Variants in PCDHA8 observed in about 807,000 individuals in gnomAD.
The protein encoded by PCDHA8 is protocadherin alpha 8, also known as protocadherin alpha-8.
In PCDHA8, 53 loss-of-function variants were observed where a neutral mutation model predicts 61.8. The observed-to-expected ratio is 0.86, with a 90% CI of 0.69 to 1.08. The LOEUF is 1.08. Among genes scored for constraint, PCDHA8 ranks in the 50% least tolerant of loss-of-function variants. The probability of loss-of-function intolerance (pLI) is 0.00; values close to 1 mark genes in which losing one functional copy is unlikely to be tolerated. For missense variants in PCDHA8, 1,293 were observed against 1,245.0 expected, an observed-to-expected ratio of 1.04 and a Z score of -0.58; for synonymous variants, 618 against 556.6, an observed-to-expected ratio of 1.11 and a Z score of -1.55.
intron 1 of PCDHA8, among the ~76,000 whole-genome samples, chr5:140,952,848 T>A (rs10476804): frequency 0.013 from 2,044 of 152,238 alleles, 38 homozygotes; most frequent in African/African-American, 0.047. Context: ...CTGCTTGTCT[T>A]CTGGGGAGGC....
In PCDHA8 at chr5:140,911,791, C is replaced by G. The variant is rs567528220; in HGVS notation, c.2395-67158C>G. 3.9e-5 allele frequency among the ~76,000 whole-genome samples: 6 copies of G among 152,230 alleles called. No homozygotes were observed. The East Asian group carries it at 9.6e-4, about 24-fold the overall frequency. ...AGTACAGTCCTTAGCATTTTTGGGT[C>G]TAATCATATTAAGCAGCCTTCTCCA... On this transcript the variant is annotated intron_variant, in intron 1 of 3. Transcript: ENST00000531613.
At position 140,841,784 on chromosome 5, in the gene PCDHA8, G is replaced by A. The variant is rs1777488668; in HGVS notation, c.463G>A (p.Glu155Lys). The A allele has an allele frequency of 6.2e-7, 1 of 1,613,812 alleles. No individual in the cohort carries two copies. The highest frequency in any genetic ancestry group is 1.3e-5 in the African/African-American group (1 of 74,870). Residue 155 changes from glutamate (E) to lysine (K), a missense_variant, in exon 1 of 4, where the codon GAG becomes AAG. Glu to Lys is a moderately conservative substitution (Grantham distance 56). Coordinates refer to ENST00000531613, the MANE Select transcript of PCDHA8 (RefSeq NM_018911.3). ...AATGCCAGACTCTCGGTTTCCGCTA[G>A]AGGGCGCGTCCGATGCAGATGTTGG... ...SRMPDSRFPL[E>K]GASDADVGAN...
intron 1 of PCDHA8, chr5:140,852,034 G>A (rs1233314142): frequency 2.1e-6 from 2 of 935,712 alleles, no homozygotes; most frequent in Non-Finnish European, 2.6e-6. Flanking sequence ...CGCTTATTGA[G>A]TTTTTGTTAT....
intron 1 of PCDHA8, chr5:140,856,807 T>G: frequency 6.3e-7 from 1 of 1,594,936 alleles, no homozygotes; most frequent in African/African-American, 1.3e-5. Context: ...TGTATGAAAA[T>G]CAAGTGAACC....
chr5:140,959,102 G>A (rs556528085), intron 1 of PCDHA8, among the ~76,000 whole-genome samples: 2 of 152,214 alleles, frequency 1.3e-5, no homozygotes, highest in South Asian at 4.2e-4. Flanking sequence ...ACATTCAGCA[G>A]GGGTCCGAAG....
chr5:140,884,589 C>T, intron 1 of PCDHA8: 1 of 1,614,146 alleles, frequency 6.2e-7, no homozygotes, highest in Non-Finnish European at 8.5e-7. Flanking sequence ...GCCTTCAGTC[C>T]CAGCCTTCCT....
intron 1 of PCDHA8, among the ~76,000 whole-genome samples, chr5:140,892,821 T>C (rs2063687425): frequency 6.6e-6 from 1 of 152,210 alleles, no homozygotes; most frequent in Non-Finnish European, 1.5e-5. Context: ...TATCCTACAG[T>C]GCTACAGTGC....
intron 1 of PCDHA8, chr5:140,883,585 C>T (rs782326010): frequency 4.3e-6 from 7 of 1,613,932 alleles, no homozygotes; most frequent in East Asian, 4.5e-5. Flanking sequence ...GGGCCACGGC[C>T]AGCGTGTCGG....
chr5:140,965,401 A>G (rs546046699), intron 1 of PCDHA8, among the ~76,000 whole-genome samples: 2 of 152,284 alleles, frequency 1.3e-5, no homozygotes, highest in African/African-American at 4.8e-5. Flanking sequence ...AAGTCTAAGG[A>G]GTCTTATATT....
Position 140,912,120 on chromosome 5 carries a change from G to A in PCDHA8, c.2395-66829G>A, listed in dbSNP as rs371645551. On this transcript the variant is annotated intron_variant, in intron 1 of 3. Transcript: ENST00000531613. ...AGAAAGATGTAGGCTGGGAGGCTAA[G>A]TCAGTCTAATCTCTCCATGTTCTTC... Among the ~76,000 whole-genome samples the A allele has an allele frequency of 1.7e-4, 26 of 152,328 alleles. 3 individuals are homozygous for A. In the East Asian group the frequency reaches 1.9e-3, roughly 11 times the overall value.
At chr5:140,998,389 C>T (rs1386157244) in intron 3 of PCDHA8, among the ~76,000 whole-genome samples, 3 of 152,128 alleles carry the variant, frequency 2.0e-5, no homozygotes, top group Non-Finnish European at 4.4e-5. Flanking sequence ...AAGTTTAATG[C>T]CATCTTTATG....
intron 1 of PCDHA8, chr5:140,884,580 C>G: frequency 6.2e-7 from 1 of 1,614,150 alleles, no homozygotes; most frequent in Non-Finnish European, 8.5e-7. Context: ...GACCTCATGG[C>G]CTTCAGTCCC....
chr5:140,932,687 T>A (rs1285364025), intron 1 of PCDHA8, among the ~76,000 whole-genome samples: 2 of 151,810 alleles, frequency 1.3e-5, no homozygotes, highest in Non-Finnish European at 2.9e-5. Context: ...TATATTCAAA[T>A]TAAAAAACTC....
intron 1 of PCDHA8, chr5:140,928,383 G>T (rs1474490422): frequency 2.5e-6 from 4 of 1,613,920 alleles, no homozygotes; most frequent in South Asian, 1.1e-5. Context: ...CCTCTAGCTT[G>T]CTGGCAGTGG....
At chr5:140,916,508 T>G (rs2077594251) in intron 1 of PCDHA8, among the ~76,000 whole-genome samples, 1 of 152,200 alleles carries the variant, frequency 6.6e-6, no homozygotes, top group Non-Finnish European at 1.5e-5. Context: ...GTGATTAATC[T>G]TGCCAAGACT....
At position 140,842,380 on chromosome 5, in the gene PCDHA8, T is replaced by A. The variant is rs1777905222; in HGVS notation, c.1059T>A (p.Thr353=). The change falls in exon 1 of 4, where the codon ACT becomes ACA. Residue 353 remains threonine (T), a synonymous_variant. Coordinates refer to ENST00000531613, the MANE Select transcript of PCDHA8 (RefSeq NM_018911.3). ...ATAACGTCCCTGAGATAGCACTGAC[T>A]TCCTTATCCTTGCCTGTACGTGAAG... The part of the protein sequence containing the change: ...KNDNVPEIAL[T]SLSLPVREDA... The A allele has an allele frequency of 6.2e-7, 1 of 1,610,180 alleles. No individual in the cohort carries two copies. The highest frequency in any genetic ancestry group is 8.5e-7 in the Non-Finnish European group (1 of 1,176,658).
chr5:140,988,642 T>C (rs981488031), intron 3 of PCDHA8, among the ~76,000 whole-genome samples: 22 of 152,212 alleles, frequency 1.4e-4, no homozygotes, highest in African/African-American at 5.3e-4. Context: ...TTTCTGAAAT[T>C]AAACATTTTT....
In PCDHA8 at chr5:140,841,417, C is replaced by G. The variant is rs2150314997; in HGVS notation, c.96C>G (p.His32Gln). 2.5e-6 allele frequency: 4 copies of G among 1,613,050 alleles called. No homozygotes were observed. Among genetic ancestry groups the G allele is most frequent in the Non-Finnish European group, 3.4e-6 (4 of 1,179,866 alleles). The change falls in exon 1 of 4, where the codon CAC becomes CAG. Residue 32 changes from histidine (H) to glutamine (Q), a missense_variant. His to Gln is a conservative substitution (Grantham distance 24). Coordinates refer to ENST00000531613, the MANE Select transcript of PCDHA8 (RefSeq NM_018911.3). ...AAWKVGSGQL[H>Q]YSVPEEAKHG... ...GGAAGGTGGGGAGCGGCCAGCTCCACTACTCCGTCCCCGAGGAGGCCAAAC... is the reference window on the plus strand; with the variant it reads ...GGAAGGTGGGGAGCGGCCAGCTCCAGTACTCCGTCCCCGAGGAGGCCAAAC...
intron 1 of PCDHA8, chr5:140,928,117 A>G (rs781867812): frequency 1.1e-5 from 18 of 1,614,208 alleles, no homozygotes; most frequent in Non-Finnish European, 1.5e-5. Context: ...GGAGCAGATC[A>G]GTGAATACCA....
Sources: allele counts gnomAD v4.1 joint callset (sites outside exome capture counted in the v4.1 genomes callset), GRCh38; gene constraint gnomAD v4.1.1; transcripts MANE v1.5; gene names NCBI Gene and HGNC (gene_info 2026-07-23, HGNC 2026-07-21).